LAMTOR3: variants seen among roughly 807,000 people sequenced by gnomAD.
LAMTOR3 encodes the protein late endosomal/lysosomal adaptor, MAPK and MTOR activator 3, also known as ragulator complex protein LAMTOR3.
In LAMTOR3, 14 loss-of-function variants were observed where a neutral mutation model predicts 20.3. The observed-to-expected ratio is 0.69, with a 90% CI of 0.46 to 1.08. LAMTOR3 has a LOEUF of 1.08. Among genes scored for constraint, LAMTOR3 ranks in the 50% least tolerant of loss-of-function variants. LAMTOR3 has a pLI of 0.00. For missense variants in LAMTOR3, 125 were observed against 143.7 expected (o/e 0.87, Z 0.67); for synonymous variants, 40 against 49.4 (o/e 0.81, Z 0.80).
chr4:99,891,745 G>T (rs552465791), intron 3 of LAMTOR3, among the ~76,000 whole-genome samples: 1 of 152,124 alleles, frequency 6.6e-6, no homozygotes, highest in Non-Finnish European at 1.5e-5. Context: ...AATTATAGAA[G>T]AAACAGATGA....
At position 99,878,550 on chromosome 4, in the gene LAMTOR3, CAT is replaced by C. The variant is rs1359240404; in HGVS notation, c.*3442_*3443del. On this transcript the variant is annotated 3_prime_UTR_variant, in exon 7 of 7. Coordinates refer to ENST00000499666, the MANE Select transcript of LAMTOR3 (RefSeq NM_021970.4). ...GACTACCAATGTGATCAGGTTCTTCCATATATGTCTTCAGAGACAGTCTACCA... is the reference window on the plus strand; with the variant it reads ...GACTACCAATGTGATCAGGTTCTTCCATATGTCTTCAGAGACAGTCTACCA... 8 of 152,132 alleles carry C rather than the reference CAT, an allele frequency of 5.3e-5. No homozygotes were observed. The highest frequency in any genetic ancestry group is 1.2e-4 in the African/African-American group (5 of 41,426). 9.4% of individuals were successfully genotyped at this position (152,132 alleles called of 1,614,324 possible).
intron 2 of LAMTOR3, among the ~76,000 whole-genome samples, chr4:99,893,017 C>G (rs2110184193): frequency 1.3e-5 from 2 of 152,112 alleles, no homozygotes; most frequent in African/African-American, 4.8e-5. Flanking sequence ...CAATGTGTGT[C>G]AAGTGTTTAA....
intron 2 of LAMTOR3, 40 bp from the exon 3 acceptor site, chr4:99,892,074 C>A (rs1010577899): frequency 6.5e-7 from 1 of 1,537,800 alleles, no homozygotes; most frequent in Non-Finnish European, 8.7e-7. Context: ...TAATAATAGG[C>A]CTTCCACTGT....
rs556158421 is a variant in LAMTOR3 at position 99,889,956 on chromosome 4, C to T, written c.44+2044G>A. Among the ~76,000 whole-genome samples the T allele has an allele frequency of 1.1e-4, 17 of 152,204 alleles. No homozygotes were observed. The South Asian group carries it at 3.3e-3, about 30-fold the overall frequency. On this transcript the variant is annotated intron_variant, in intron 3 of 6. Transcript: ENST00000499666. ...CAAGAAAGTAGAAAAATTACTTACA[C>T]TCTTAAGTATATAATTTTAGAAATC...
At chr4:99,886,783 A>G (rs536596713) in intron 4 of LAMTOR3, among the ~76,000 whole-genome samples, 4 of 152,314 alleles carry the variant, frequency 2.6e-5, no homozygotes, top group Middle Eastern at 3.4e-3. Flanking sequence ...ATCCATTCTC[A>G]TAATACCATA....
intron 3 of LAMTOR3, among the ~76,000 whole-genome samples, chr4:99,890,929 G>A (rs951165707): frequency 1.3e-5 from 2 of 152,138 alleles, no homozygotes; most frequent in Non-Finnish European, 2.9e-5. Context: ...TTATGATTTT[G>A]AGAGCACACT....
Position 99,878,553 on chromosome 4 carries a change from A to G in LAMTOR3, c.*3441T>C, listed in dbSNP as rs1056196590. On this transcript the variant is annotated 3_prime_UTR_variant, in exon 7 of 7. Transcript: ENST00000499666. ...TACCAATGTGATCAGGTTCTTCCAT[A>G]TATGTCTTCAGAGACAGTCTACCAT... 6.6e-6 allele frequency: 1 copy of G among 152,174 alleles called. No individual in the cohort carries two copies. Among genetic ancestry groups the G allele is most frequent in the East Asian group, 1.9e-4 (1 of 5,198 alleles). The allele number at this position is 152,174 out of a possible 1,614,324, so 9.4% of individuals were successfully genotyped here.
Position 99,891,981 on chromosome 4 carries a change from C to CA in LAMTOR3, c.44+18dup. On this transcript the variant is annotated intron_variant, in intron 3 of 6. Coordinates refer to ENST00000499666, the MANE Select transcript of LAMTOR3 (RefSeq NM_021970.4). ...ATGGCATATAGAATTTATTCAATAA[C>CA]AAATTAAAAATTTCTTACCTTGGTA... 6.4e-7 allele frequency: 1 copy of CA among 1,562,812 alleles called. No homozygotes were observed. Among genetic ancestry groups the CA allele is most frequent in the Non-Finnish European group, 8.6e-7 (1 of 1,161,660 alleles).
At chr4:99,892,066 A>T in intron 2 of LAMTOR3, 32 bp from the exon 3 acceptor site, 1 of 1,548,870 alleles carries the variant, frequency 6.5e-7, no homozygotes, top group South Asian at 1.2e-5. Flanking sequence ...TAATGTTGTA[A>T]TAATAGGCCT....
Position 99,879,559 on chromosome 4 carries a change from C to A in LAMTOR3, c.*2435G>T, listed in dbSNP as rs1724779966. On this transcript the variant is annotated 3_prime_UTR_variant, in exon 7 of 7. Transcript: ENST00000499666. ...AATTTCCTGAACGATATTAAATAATCCAGATAATGGGAATTCTGGATTTCA... is the reference window on the plus strand; with the variant it reads ...AATTTCCTGAACGATATTAAATAATACAGATAATGGGAATTCTGGATTTCA... 1 of 152,004 alleles carries A rather than the reference C, an allele frequency of 6.6e-6. No homozygotes were observed. The highest frequency in any genetic ancestry group is 1.5e-5 in the Non-Finnish European group (1 of 68,004). The allele number at this position is 152,004 out of a possible 1,614,324, so 9.4% of individuals were successfully genotyped here.
At chr4:99,883,077 T>C (rs1724857968) in intron 6 of LAMTOR3, among the ~76,000 whole-genome samples, 1 of 152,110 alleles carries the variant, frequency 6.6e-6, no homozygotes, top group African/African-American at 2.4e-5. Flanking sequence ...TAGTATGTGA[T>C]GATAGGTGAT....
chr4:99,889,333 T>C (rs1382784515), intron 3 of LAMTOR3, among the ~76,000 whole-genome samples: 1 of 152,204 alleles, frequency 6.6e-6, no homozygotes, highest in African/African-American at 2.4e-5. Flanking sequence ...CAACATCATT[T>C]GAAACAGTAA....
chr4:99,890,877 C>A (rs1181097626), intron 3 of LAMTOR3, among the ~76,000 whole-genome samples: 1 of 152,108 alleles, frequency 6.6e-6, no homozygotes, highest in East Asian at 1.9e-4. Context: ...TTCTCTAATT[C>A]CTTTACACAG....
chr4:99,892,493 C>A (rs1234407995), intron 2 of LAMTOR3, among the ~76,000 whole-genome samples: 2 of 152,144 alleles, frequency 1.3e-5, no homozygotes, highest in African/African-American at 4.8e-5. Context: ...GGTGATATGA[C>A]CTCTGTAAGA....
chr4:99,885,707 T>A (rs1421706143), intron 4 of LAMTOR3, 32 bp from the exon 5 acceptor site: 2 of 1,592,944 alleles, frequency 1.3e-6, no homozygotes, highest in Non-Finnish European at 1.7e-6. Flanking sequence ...ATAAAAATTA[T>A]GCAGAGGATA....
chr4:99,886,469 G>A (rs1724927179), intron 4 of LAMTOR3, among the ~76,000 whole-genome samples: 1 of 152,232 alleles, frequency 6.6e-6, no homozygotes, highest in South Asian at 2.1e-4. Flanking sequence ...TGGAATCAAT[G>A]TGTATTACAG....
At chr4:99,886,178 C>CA (rs1370568736) in intron 4 of LAMTOR3, among the ~76,000 whole-genome samples, 4 of 152,130 alleles carry the variant, frequency 2.6e-5, no homozygotes, top group Non-Finnish European at 5.9e-5. Context: ...GGCTTTAACA[C>CA]AGAGATCCTC....
chr4:99,892,960 G>T (rs1022159127), intron 2 of LAMTOR3, among the ~76,000 whole-genome samples: 1 of 150,332 alleles, frequency 6.7e-6, no homozygotes, highest in Non-Finnish European at 1.5e-5. Flanking sequence ...GATTACAGAC[G>T]TGAGCCACCG....
In LAMTOR3 at chr4:99,885,663, T is replaced by C. The variant is rs140420558; in HGVS notation, c.116A>G (p.Asn39Ser). ...AGGTCGCAAAGCATGCTCTGGAGCA[T>C]TGTCATTTGCCACTAGAAAAATAAG... is the stretch of plus-strand genomic sequence containing the variant. ...GVPVIKVAND[N>S]APEHALRPGF... The change falls in exon 5 of 7, where the codon AAT becomes AGT. Residue 39 changes from asparagine (N) to serine (S), a missense_variant. By Grantham distance (46) the Asn-to-Ser change is conservative. Coordinates refer to ENST00000499666, the MANE Select transcript of LAMTOR3 (RefSeq NM_021970.4). The C allele has an allele frequency of 4.3e-5, 70 of 1,612,460 alleles. No homozygotes were observed. The highest frequency in any genetic ancestry group is 1.2e-4 in the Admixed American group (7 of 59,590).
Sources: allele counts gnomAD v4.1 joint callset (sites outside exome capture counted in the v4.1 genomes callset), GRCh38; gene constraint gnomAD v4.1.1; transcripts MANE v1.5; gene names NCBI Gene and HGNC (gene_info 2026-07-23, HGNC 2026-07-21).